C3orf52: variants seen among roughly 807,000 people sequenced by gnomAD.
The protein encoded by C3orf52 is chromosome 3 open reading frame 52.
In C3orf52, 22 loss-of-function variants were observed where a neutral mutation model predicts 24.8. The ratio of observed to expected loss-of-function variants is 0.89; its 90% CI spans 0.63 to 1.27. C3orf52 has a LOEUF of 1.27. C3orf52 is among the 50% of genes most tolerant of loss of function. The pLI is 0.00. For synonymous variants in C3orf52, 93 were observed against 100.2 expected, an observed-to-expected ratio of 0.93 and a Z score of 0.43; for missense variants, 265 against 260.7, an observed-to-expected ratio of 1.02 and a Z score of -0.11.
chr3:112,086,679 G>C, intron 1 of C3orf52, 134 bp downstream of exon 1: 2 of 1,164,876 alleles, frequency 1.7e-6, no homozygotes, highest in Non-Finnish European at 1.2e-6. Context: ...GGGCGCGCTC[G>C]AGTGCTCTGA....
chr3:112,110,981 T>C (rs1000746141), intron 4 of C3orf52, among the ~76,000 whole-genome samples: 3 of 152,114 alleles, frequency 2.0e-5, no homozygotes. Context: ...GAGGCTGAGG[T>C]AGGCAGATCA....
At chr3:112,116,090 T>C (rs2074131096) in intron 5 of C3orf52, among the ~76,000 whole-genome samples, 1 of 152,090 alleles carries the variant, frequency 6.6e-6, no homozygotes, top group Admixed American at 6.6e-5. Context: ...AACCAGGATT[T>C]TTGTGAGAGA....
intron 4 of C3orf52, among the ~76,000 whole-genome samples, chr3:112,125,647 C>A (rs1391633575): frequency 6.6e-6 from 1 of 152,180 alleles, no homozygotes; most frequent in Non-Finnish European, 1.5e-5. Flanking sequence ...CATTCTCTGT[C>A]CTCAAAAGGC....
chr3:112,123,934 C>A (rs979593367), intron 4 of C3orf52, among the ~76,000 whole-genome samples: 3 of 152,164 alleles, frequency 2.0e-5, no homozygotes, highest in Admixed American at 6.5e-5. Flanking sequence ...CTACCCCAAC[C>A]ACTAGGCTAG....
At chr3:112,104,082 G>C (rs1364807849) in intron 3 of C3orf52, among the ~76,000 whole-genome samples, 1 of 152,174 alleles carries the variant, frequency 6.6e-6, no homozygotes, top group African/African-American at 2.4e-5. Context: ...AGGAAGATTT[G>C]CGTGAGATTT....
intron 1 of C3orf52, among the ~76,000 whole-genome samples, chr3:112,089,185 C>T (rs897596927): frequency 6.6e-6 from 1 of 152,192 alleles, no homozygotes; most frequent in African/African-American, 2.4e-5. Flanking sequence ...ATGGCAACAT[C>T]ATTTGAATAA....
chr3:112,119,542 T>C (rs777310694), downstream of C3orf52: 1 of 702,952 alleles, frequency 1.4e-6, no homozygotes, highest in Non-Finnish European at 2.6e-6. Context: ...TTTACACATG[T>C]TCGTGTCTTC....
the C3orf52 span, among the ~76,000 whole-genome samples, chr3:112,136,315 A>T: frequency 6.6e-6 from 1 of 152,164 alleles, no homozygotes. Flanking sequence ...TCTTTAGGGG[A>T]TTGCCTGTGG....
At chr3:112,089,615 G>A (rs1186996133) in intron 1 of C3orf52, among the ~76,000 whole-genome samples, 2 of 151,284 alleles carry the variant, frequency 1.3e-5, no homozygotes, top group Non-Finnish European at 2.9e-5. Context: ...TTTAGGACAA[G>A]AATCAACTGG....
intron 2 of C3orf52, among the ~76,000 whole-genome samples, chr3:112,094,125 G>C (rs2073904861): frequency 6.6e-6 from 1 of 152,100 alleles, no homozygotes; most frequent in African/African-American, 2.4e-5. Flanking sequence ...CTCCGAAATA[G>C]CTGGAATTAT....
intron 2 of C3orf52, 76 bp from the exon 3 acceptor site, chr3:112,102,762 A>G (rs954037754): frequency 5.3e-6 from 7 of 1,311,842 alleles, no homozygotes; most frequent in South Asian, 1.5e-5. Context: ...ATGGCAGTCA[A>G]TGGAATAAAT....
downstream of C3orf52, among the ~76,000 whole-genome samples, chr3:112,120,579 T>G (rs2074178111): frequency 6.6e-6 from 1 of 152,198 alleles, no homozygotes; most frequent in Middle Eastern, 3.2e-3. Flanking sequence ...GGCTATGTAG[T>G]TTTAAGACCA....
chr3:112,129,919 T>C (rs937246597), downstream of C3orf52: 3 of 152,818 alleles, frequency 2.0e-5, no homozygotes, highest in African/African-American at 7.2e-5. Context: ...ATTTTAATTA[T>C]TCCTTTCCTT....
chr3:112,128,690 G>T, exon 5 of C3orf52: 1 of 162,598 alleles, frequency 6.2e-6, no homozygotes, highest in Admixed American at 5.7e-5. Flanking sequence ...TGGTGCAGGA[G>T]GTCAGCAAAT....
At chr3:112,118,980 G>A (rs991536236), downstream of C3orf52, among the ~76,000 whole-genome samples, 10 of 152,196 alleles carry the variant, frequency 6.6e-5, no homozygotes, top group Admixed American at 3.3e-4. Flanking sequence ...AGGCTATGGG[G>A]ATACTAGTGG....
chr3:112,087,289 C>T (rs1484299336), intron 1 of C3orf52, among the ~76,000 whole-genome samples: 1 of 152,144 alleles, frequency 6.6e-6, no homozygotes, highest in Non-Finnish European at 1.5e-5. Flanking sequence ...CCTCTCAATC[C>T]CTAAGGAAGT....
intron 1 of C3orf52, among the ~76,000 whole-genome samples, chr3:112,089,815 T>G (rs918962312): frequency 6.6e-6 from 1 of 152,200 alleles, no homozygotes; most frequent in African/African-American, 2.4e-5. Flanking sequence ...GTCATGTATT[T>G]AGACCTTTAT....
intron 4 of C3orf52, chr3:112,123,735 T>TA (rs746734835): frequency 1.9e-6 from 3 of 1,613,916 alleles, no homozygotes; most frequent in Non-Finnish European, 2.5e-6. Context: ...GATGAGGGTA[T>TA]AGCACAGCTC....
At chr3:112,133,003 GCTAACTGTATA>G, downstream of C3orf52, 1 of 1,348,950 alleles carries the variant, frequency 7.4e-7, no homozygotes, top group East Asian at 2.4e-5. Flanking sequence ...AACTTAGTGT[GCTAACTGTATA>G]CTAGCTTTCT....
Sources: gnomAD v4.1 joint callset for allele counts (sites outside exome capture counted in the v4.1 genomes callset) on GRCh38, gnomAD v4.1.1 for gene constraint, MANE v1.5 for transcripts, NCBI Gene and HGNC (gene_info 2026-07-23, HGNC 2026-07-21) for gene names.